Variants in ZFP42 observed in about 807,000 individuals in gnomAD.
ZFP42 encodes the protein ZFP42 zinc finger protein.
For missense variants in ZFP42, 438 were observed against 377.1 expected, an observed-to-expected ratio of 1.16 and a Z score of -1.34; for synonymous variants, 175 against 144.6, an observed-to-expected ratio of 1.21 and a Z score of -1.51.
Position 188,003,151 on chromosome 4 carries a change from C to T in ZFP42, c.344C>T (p.Ser115Phe), listed in dbSNP as rs1560915627. 4 of 1,614,020 alleles carry T rather than the reference C, an allele frequency of 2.5e-6. No homozygotes were observed. ...TCTCAAAAGGTTTTCGAAGCAAGCT[C>T]CCTTGAATGTTCTTTGGAATACATG... is the stretch of plus-strand genomic sequence containing the variant. ...QLSQKVFEAS[S>F]LECSLEYMKK... is the part of the protein sequence containing the mutation. The change falls in exon 4 of 4, where the codon TCC (serine) becomes TTC (phenylalanine). Residue 115 changes from serine (S) to phenylalanine (F), a missense_variant. By Grantham distance (155) the Ser-to-Phe change is radical. Transcript: ENST00000326866.
intron 3 of ZFP42, among the ~76,000 whole-genome samples, chr4:188,000,384 T>C (rs1253464765): frequency 7.0e-6 from 1 of 142,464 alleles, no homozygotes; most frequent in Non-Finnish European, 1.5e-5. Flanking sequence ...CTCTATATTT[T>C]TGTTTTCTTT....
Position 188,002,902 on chromosome 4 carries a change from C to T in ZFP42, c.95C>T (p.Ser32Leu), listed in dbSNP as rs200488321. The T allele has an allele frequency of 6.2e-7, 1 of 1,614,188 alleles. No homozygotes were observed. The highest frequency in any genetic ancestry group is 8.5e-7 in the Non-Finnish European group (1 of 1,180,028). ...GGGGCTAAGCCCAGGCAAGGCAAGTCAAGCCAAGACCTGCAGGCGGAAATA... is the reference window on the plus strand; with the variant it reads ...GGGGCTAAGCCCAGGCAAGGCAAGTTAAGCCAAGACCTGCAGGCGGAAATA... ...PSGAKPRQGK[S>L]SQDLQAEIEP... Residue 32 changes from serine (S) to leucine (L), a missense_variant, in exon 4 of 4, where the codon TCA (serine) becomes TTA (leucine). Transcript: ENST00000326866.
At position 188,003,673 on chromosome 4, in the gene ZFP42, CAAAT is replaced by C. The variant is rs1386615005; in HGVS notation, c.869_872del (p.Asn290ThrfsTer2). ...GGCTGCAACAGGAGGTTTATTCAGT[CAAAT>C]AACCTGAAAGCCCACATCCTAACGC... On this transcript the variant is annotated frameshift_variant, in exon 4 of 4. Coordinates refer to ENST00000326866, the MANE Select transcript of ZFP42 (RefSeq NM_174900.5). LOFTEE classifies it low-confidence loss of function (END_TRUNC). 1 of 1,613,748 alleles carries C rather than the reference CAAAT, an allele frequency of 6.2e-7. No individual in the cohort carries two copies. The highest frequency in any genetic ancestry group is 1.7e-5 in the Admixed American group (1 of 60,008).
chr4:188,003,723 G>A lies in ZFP42; in HGVS notation c.916G>A (p.Glu306Lys), dbSNP rs1401872856. ...AACGCATGCAAATACGAACAAGAATGAACAAGAGGGAAAGTAGTCCTCCAA... is the reference window on the plus strand; with the variant it reads ...AACGCATGCAAATACGAACAAGAATAAACAAGAGGGAAAGTAGTCCTCCAA... ...ILTHANTNKNEQEGK is the reference protein window; with the variant it reads ...ILTHANTNKNKQEGK The change falls in exon 4 of 4, where the codon GAA becomes AAA. Residue 306 changes from glutamate to lysine, a missense_variant. Glu to Lys is a moderately conservative substitution (Grantham distance 56, BLOSUM62 1). Coordinates refer to ENST00000326866, the MANE Select transcript of ZFP42 (RefSeq NM_174900.5). 6 of 1,609,972 alleles carry A rather than the reference G, an allele frequency of 3.7e-6. No individual in the cohort carries two copies. The African/African-American group carries it at 8.0e-5, about 21-fold the overall frequency.
chr4:188,000,984 G>A (rs774091028), intron 3 of ZFP42, among the ~76,000 whole-genome samples: 5 of 152,012 alleles, frequency 3.3e-5, no homozygotes, highest in Non-Finnish European at 5.9e-5. Context: ...CAACAAGAGC[G>A]AAACTCCATC....
chr4:188,004,969 T>C lies in ZFP42; in HGVS notation c.*1229T>C, dbSNP rs1733998456. On this transcript the variant is annotated 3_prime_UTR_variant, in exon 4 of 4. Transcript: ENST00000326866. ...ATCAAACTATATGGAAATCATATGG[T>C]TAGATGTGATTATTTGATAATGTTA... The C allele has an allele frequency of 1.2e-5, 2 of 167,080 alleles. No individual in the cohort carries two copies. Among genetic ancestry groups the C allele is most frequent in the Non-Finnish European group, 2.9e-5 (2 of 68,120 alleles). The allele number at this position is 167,080 out of a possible 1,614,324, so 10.3% of individuals were successfully genotyped here.
rs1733949970 is a variant in ZFP42 at position 188,003,807 on chromosome 4, GT to G, written c.*70del. ...TGACAAACATGCCTCATTGATTATTGTTTCTAGGAAGGAATTTCTAAATCAA... is the reference window on the plus strand; with the variant it reads ...TGACAAACATGCCTCATTGATTATTGTTCTAGGAAGGAATTTCTAAATCAA... On this transcript the variant is annotated 3_prime_UTR_variant, in exon 4 of 4. Coordinates refer to ENST00000326866, the MANE Select transcript of ZFP42 (RefSeq NM_174900.5). 2.0e-6 allele frequency: 3 copies of G among 1,463,626 alleles called. No homozygotes were observed. The highest frequency in any genetic ancestry group is 2.7e-6 in the Non-Finnish European group (3 of 1,091,658). The allele number at this position is 1,463,626 out of a possible 1,614,324, so 90.7% of individuals were successfully genotyped here.
At chr4:187,997,489 AGTG>A (rs906060208) in intron 1 of ZFP42, among the ~76,000 whole-genome samples, 11 of 151,604 alleles carry the variant, frequency 7.3e-5, no homozygotes, top group Non-Finnish European at 1.5e-4. Context: ...GGCCTCCCAA[AGTG>A]GTGGGATTAC....
At chr4:188,001,793 T>A (rs1359912632) in intron 3 of ZFP42, among the ~76,000 whole-genome samples, 1 of 152,202 alleles carries the variant, frequency 6.6e-6, no homozygotes, top group African/African-American at 2.4e-5. Context: ...TAACACGAGC[T>A]CACATAGCGG....
In ZFP42 at chr4:188,004,979, TTA is replaced by T. The variant is rs1733998843; in HGVS notation, c.*1241_*1242del. On this transcript the variant is annotated 3_prime_UTR_variant, in exon 4 of 4. Transcript: ENST00000326866. Reference sequence around the variant, plus strand: ...ATGGAAATCATATGGTTAGATGTGATTATTTGATAATGTTAGTCCATTTGAAT... The same window carrying T: ...ATGGAAATCATATGGTTAGATGTGATTTTGATAATGTTAGTCCATTTGAAT... 6.0e-6 allele frequency: 1 copy of T among 167,106 alleles called. No homozygotes were observed. Among genetic ancestry groups the T allele is most frequent in the Non-Finnish European group, 1.5e-5 (1 of 68,120 alleles). The allele number at this position is 167,106 out of a possible 1,614,324, so 10.4% of individuals were successfully genotyped here.
chr4:187,997,128 T>A (rs1262615718), intron 1 of ZFP42, among the ~76,000 whole-genome samples: 1 of 151,722 alleles, frequency 6.6e-6, no homozygotes, highest in Non-Finnish European at 1.5e-5. Context: ...CGTGCACTTT[T>A]CCTCCTGCCC....
intron 1 of ZFP42, among the ~76,000 whole-genome samples, chr4:187,998,074 C>G (rs542453740): frequency 6.6e-6 from 1 of 152,330 alleles, no homozygotes; most frequent in South Asian, 2.1e-4. Flanking sequence ...CGGTGGCTCA[C>G]GCCTGTAATC....
chr4:188,005,227 TAAA>T (rs1340075417), downstream of ZFP42, among the ~76,000 whole-genome samples: 1 of 152,108 alleles, frequency 6.6e-6, no homozygotes, highest in Non-Finnish European at 1.5e-5. Context: ...AGTTTGGAAA[TAAA>T]TTTTGTAATT....
chr4:188,000,286 A>G (rs4862848), intron 3 of ZFP42, among the ~76,000 whole-genome samples: 112,821 of 152,156 alleles, frequency 0.74, 42,673 homozygotes, highest in East Asian at 0.96. Context: ...TGGGGAGAGC[A>G]GCTCTGTGTT....
At chr4:187,997,028 A>ATGGAGCGTGGAGCGTGGAGCATGGAGCG in intron 1 of ZFP42, among the ~76,000 whole-genome samples, 1 of 61,866 alleles carries the variant, frequency 1.6e-5, no homozygotes, top group Non-Finnish European at 3.2e-5. Context: ...AGCATGGAGC[A>ATGGAGCGTGGAGCGTGGAGCATGGAGCG]TGGAGCGTGG....
In ZFP42 at chr4:188,003,975, T is replaced by C; in HGVS notation, c.*235T>C. The C allele has an allele frequency of 4.6e-6, 2 of 433,132 alleles. No homozygotes were observed. Among genetic ancestry groups the C allele is most frequent in the Admixed American group, 4.1e-5 (1 of 24,356 alleles). 26.8% of individuals were successfully genotyped at this position (433,132 alleles called of 1,614,324 possible). A position where few individuals can be genotyped will look rare whatever the true frequency, so the allele number is the denominator to read the frequency against. On this transcript the variant is annotated 3_prime_UTR_variant, in exon 4 of 4. Coordinates refer to ENST00000326866, the MANE Select transcript of ZFP42 (RefSeq NM_174900.5). ...TTTTTTATTTGTTTTATTTAGAACTTTGTGTGTTCTTAAAGTGTGCTTCCA... is the reference window on the plus strand; with the variant it reads ...TTTTTTATTTGTTTTATTTAGAACTCTGTGTGTTCTTAAAGTGTGCTTCCA...
chr4:188,002,896 G>T lies in ZFP42; in HGVS notation c.89G>T (p.Gly30Val), dbSNP rs148426653. Residue 30 changes from glycine (G) to valine (V), a missense_variant, in exon 4 of 4, where the codon GGC (glycine) becomes GTC (valine). Gly to Val is a moderately radical substitution (Grantham distance 109). Transcript: ENST00000326866. ...RAPSGAKPRQ[G>V]KSSQDLQAEI... ...CCCAGTGGGGCTAAGCCCAGGCAAG[G>T]CAAGTCAAGCCAAGACCTGCAGGCG... is the stretch of plus-strand genomic sequence containing the variant. 13 of 1,614,104 alleles carry T rather than the reference G, an allele frequency of 8.1e-6. No homozygotes were observed. In the African/African-American group the frequency reaches 9.3e-5, roughly 12 times the overall value.
intron 3 of ZFP42, 35 bp from the exon 4 acceptor site, chr4:188,002,678 A>G: frequency 1.3e-6 from 1 of 754,470 alleles, no homozygotes; most frequent in Non-Finnish European, 2.2e-6. Flanking sequence ...TAATACTGGA[A>G]TCTATTTTAA....
In ZFP42 at chr4:188,004,992, T is replaced by G. The variant is rs561750187; in HGVS notation, c.*1252T>G. 1.2e-5 allele frequency: 2 copies of G among 167,106 alleles called. No individual in the cohort carries two copies. The highest frequency in any genetic ancestry group is 2.9e-5 in the Non-Finnish European group (2 of 68,116). The allele number at this position is 167,106 out of a possible 1,614,324, so 10.4% of individuals were successfully genotyped here. A position where few individuals can be genotyped will look rare whatever the true frequency, so the allele number is the denominator to read the frequency against. ...GGTTAGATGTGATTATTTGATAATG[T>G]TAGTCCATTTGAATCCATTTTAGAT... On this transcript the variant is annotated 3_prime_UTR_variant, in exon 4 of 4. Transcript: ENST00000326866.
Sources: gnomAD v4.1 joint callset for allele counts (sites outside exome capture counted in the v4.1 genomes callset) on GRCh38, gnomAD v4.1.1 for gene constraint, MANE v1.5 for transcripts, NCBI Gene and HGNC (gene_info 2026-07-23, HGNC 2026-07-21) for gene names.